AMN1: variants seen among roughly 807,000 people sequenced by gnomAD.
AMN1 encodes antagonist of mitotic exit network 1 homolog, also known as protein AMN1 homolog.
AMN1 carries 20 observed loss-of-function variants against 33.0 expected under a neutral mutation model. The observed-to-expected ratio is 0.61, with a 90% CI of 0.43 to 0.88. AMN1 has a LOEUF of 0.88. AMN1 is among the 40% of genes least tolerant of loss of function. AMN1 has a pLI of 0.00. For synonymous variants in AMN1, 114 were observed against 111.9 expected (o/e 1.02, Z -0.12); for missense variants, 246 against 307.4 (o/e 0.80, Z 1.49).
At chr12:31,692,767 T>TA (rs1391891210) in intron 5 of AMN1, among the ~76,000 whole-genome samples, 1 of 152,160 alleles carries the variant, frequency 6.6e-6, no homozygotes, top group Non-Finnish European at 1.5e-5. Context: ...TGTTCTCTGA[T>TA]ATGCCAGGAT....
chr12:31,721,893 C>T (rs1238221116), intron 1 of AMN1, among the ~76,000 whole-genome samples: 1 of 152,180 alleles, frequency 6.6e-6, no homozygotes, highest in African/African-American at 2.4e-5. Flanking sequence ...ATCCAGACTG[C>T]TGCCACTGCT....
At chr12:31,724,406 C>T (rs895178966) in intron 1 of AMN1, among the ~76,000 whole-genome samples, 1 of 152,150 alleles carries the variant, frequency 6.6e-6, no homozygotes, top group African/African-American at 2.4e-5. Context: ...CATGGATATG[C>T]TGAACGAAGG....
At chr12:31,716,487 G>A (rs1331701925) in intron 1 of AMN1, among the ~76,000 whole-genome samples, 1 of 152,068 alleles carries the variant, frequency 6.6e-6, no homozygotes, top group Non-Finnish European at 1.5e-5. Flanking sequence ...CATTCTTGTG[G>A]TCCATATCCT....
At chr12:31,724,519 A>T (rs759787189) in intron 1 of AMN1, among the ~76,000 whole-genome samples, 3 of 152,120 alleles carry the variant, frequency 2.0e-5, no homozygotes, top group Non-Finnish European at 4.4e-5. Context: ...TCTTCCTAGA[A>T]TTTTCCATTT....
At chr12:31,712,180 G>A (rs767158912) in intron 1 of AMN1, among the ~76,000 whole-genome samples, 2 of 151,998 alleles carry the variant, frequency 1.3e-5, no homozygotes, top group Non-Finnish European at 2.9e-5. Context: ...AGGCTCAAGA[G>A]ATCCTCCTGC....
chr12:31,713,976 T>C (rs1207120900), intron 1 of AMN1, among the ~76,000 whole-genome samples: 1 of 152,176 alleles, frequency 6.6e-6, no homozygotes, highest in East Asian at 1.9e-4. Context: ...TCCTGTCCAT[T>C]ATTTAATTAT....
intron 1 of AMN1, among the ~76,000 whole-genome samples, chr12:31,720,540 CAAAA>C (rs764141018): frequency 8.0e-6 from 1 of 124,756 alleles, no homozygotes. Flanking sequence ...AACTCTGTCT[CAAAA>C]AAAAAAAAAA....
At chr12:31,685,821 A>C (rs1355035903) in intron 6 of AMN1, among the ~76,000 whole-genome samples, 6 of 151,106 alleles carry the variant, frequency 4.0e-5, no homozygotes, top group African/African-American at 7.3e-5. Flanking sequence ...GAAAGAAAGA[A>C]AGAAAAAAGG....
intron 3 of AMN1, among the ~76,000 whole-genome samples, chr12:31,699,436 G>GAA (rs1938891267): frequency 2.1e-5 from 2 of 95,734 alleles, no homozygotes; most frequent in South Asian, 3.9e-4. Context: ...GAAAAGAAAA[G>GAA]AAAAAGGAAG....
chr12:31,708,998 T>G, intron 2 of AMN1: 1 of 430,066 alleles, frequency 2.3e-6, no homozygotes, highest in South Asian at 1.7e-5. Context: ...GGCAACATGG[T>G]GAAACCCTGT....
intron 6 of AMN1, among the ~76,000 whole-genome samples, chr12:31,682,505 C>T (rs1003896222): frequency 1.3e-3 from 9 of 6,752 alleles, no homozygotes; most frequent in African/African-American, 2.2e-3. Context: ...GCAGCAAGAT[C>T]GGCGGGGCGG....
Position 31,671,873 on chromosome 12 carries a change from T to C in AMN1, c.*431A>G, listed in dbSNP as rs1338035858. On this transcript the variant is annotated 3_prime_UTR_variant, in exon 7 of 7. Transcript: ENST00000281471. ...CTCCAAGAAGGTAAGAGCCAGAAAATAGGAAGGTAACTATGCTTTTAGAAA... is the reference window on the plus strand; with the variant it reads ...CTCCAAGAAGGTAAGAGCCAGAAAACAGGAAGGTAACTATGCTTTTAGAAA... 1 of 153,514 alleles carries C rather than the reference T, an allele frequency of 6.5e-6. No homozygotes were observed. The highest frequency in any genetic ancestry group is 1.4e-5 in the Non-Finnish European group (1 of 68,990). 9.5% of individuals were successfully genotyped at this position (153,514 alleles called of 1,614,324 possible).
intron 2 of AMN1, chr12:31,708,980 C>T (rs1265911963): frequency 1.4e-5 from 6 of 413,952 alleles, no homozygotes; most frequent in Non-Finnish European, 2.9e-5. Flanking sequence ...GAGTTCGAGA[C>T]CAGCCTGGGC....
intron 1 of AMN1, chr12:31,715,400 A>C: frequency 4.9e-6 from 1 of 205,384 alleles, no homozygotes; most frequent in Non-Finnish European, 1.1e-5. Flanking sequence ...CATTTCTTCA[A>C]CGTGCTTATC....
At chr12:31,697,089 A>G (rs1427022680) in intron 5 of AMN1, among the ~76,000 whole-genome samples, 4 of 152,204 alleles carry the variant, frequency 2.6e-5, no homozygotes, top group African/African-American at 9.6e-5. Flanking sequence ...ATCTTCATCC[A>G]TAATAAGATG....
chr12:31,685,023 TA>T (rs1445787232), intron 6 of AMN1, among the ~76,000 whole-genome samples: 13 of 149,970 alleles, frequency 8.7e-5, no homozygotes, highest in Admixed American at 6.1e-4. Flanking sequence ...TTGTTTTCCA[TA>T]ATTATTATTT....
chr12:31,677,902 G>A (rs1937805599), intron 6 of AMN1, among the ~76,000 whole-genome samples: 1 of 152,160 alleles, frequency 6.6e-6, no homozygotes, highest in African/African-American at 2.4e-5. Flanking sequence ...ATTCTCTGAT[G>A]TACCCTTGTC....
intron 6 of AMN1, among the ~76,000 whole-genome samples, chr12:31,682,363 G>A (rs1259955384): frequency 6.6e-6 from 1 of 152,128 alleles, no homozygotes; most frequent in Non-Finnish European, 1.5e-5. Flanking sequence ...AGGTTTGTAT[G>A]CCGGGAAGTC....
intron 6 of AMN1, among the ~76,000 whole-genome samples, chr12:31,686,986 C>T (rs1421051348): frequency 6.6e-6 from 1 of 152,028 alleles, no homozygotes; most frequent in Non-Finnish European, 1.5e-5. Flanking sequence ...GCAGCTAACC[C>T]CAGTTAACAG....
Sources: allele counts gnomAD v4.1 joint callset (sites outside exome capture counted in the v4.1 genomes callset), GRCh38; gene constraint gnomAD v4.1.1; transcripts MANE v1.5; gene names NCBI Gene and HGNC (gene_info 2026-07-23, HGNC 2026-07-21).